Variants in AMACR observed in about 807,000 individuals in gnomAD.
AMACR encodes the protein alpha-methylacyl-CoA racemase.
Under a neutral mutation model 22.2 loss-of-function variants are expected in AMACR, and 18 were observed. The ratio of observed to expected loss-of-function variants is 0.81; its 90% CI spans 0.56 to 1.20. AMACR has a LOEUF of 1.20. Among genes scored for constraint, AMACR ranks in the 50% most tolerant of loss-of-function variants. The pLI is 0.00. For synonymous variants in AMACR, 213 were observed against 191.3 expected, an observed-to-expected ratio of 1.11 and a Z score of -0.94; for missense variants, 499 against 490.6, an observed-to-expected ratio of 1.02 and a Z score of -0.16.
chr5:33,998,955 T>C, intron 3 of AMACR, 128 bp from the exon 4 acceptor site: 7 of 802,708 alleles, frequency 8.7e-6, no homozygotes, highest in Admixed American at 2.3e-5. Context: ...AGATTCTACC[T>C]AATTACACAA....
In AMACR at chr5:33,988,236, G is replaced by T. The variant is rs757002270; in HGVS notation, c.*857C>A. Reference sequence around the variant, plus strand: ...ATCCCGTCTTCTTTGTCAAAGACAGGTATAAGAAAGGCTTGTAACTTAACT... The same window carrying T: ...ATCCCGTCTTCTTTGTCAAAGACAGTTATAAGAAAGGCTTGTAACTTAACT... On this transcript the variant is annotated 3_prime_UTR_variant, in exon 5 of 5. Transcript: ENST00000335606. 2 of 1,318,444 alleles carry T rather than the reference G, an allele frequency of 1.5e-6. No individual in the cohort carries two copies. Among genetic ancestry groups the T allele is most frequent in the Non-Finnish European group, 2.1e-6 (2 of 956,194 alleles). 81.7% of individuals were successfully genotyped at this position (1,318,444 alleles called of 1,614,324 possible). A position where few individuals can be genotyped will look rare whatever the true frequency, so the allele number is the denominator to read the frequency against.
chr5:33,996,587 A>G (rs1229176240), intron 4 of AMACR, among the ~76,000 whole-genome samples: 4 of 152,140 alleles, frequency 2.6e-5, no homozygotes, highest in Non-Finnish European at 5.9e-5. Flanking sequence ...GGAGTTCAAG[A>G]TCAGCCTCAG....
At chr5:34,007,656 G>C (rs1479836475) in intron 1 of AMACR, 117 bp downstream of exon 1, 5 of 1,389,604 alleles carry the variant, frequency 3.6e-6, no homozygotes, top group Middle Eastern at 2.6e-4. Context: ...GGCTGGGGCC[G>C]ACAAGGGTTC....
chr5:34,002,666 G>A (rs1185333206), intron 3 of AMACR, among the ~76,000 whole-genome samples: 5 of 152,166 alleles, frequency 3.3e-5, no homozygotes, highest in Non-Finnish European at 5.9e-5. Flanking sequence ...ATAGTAGCAC[G>A]TCTCCCTCAG....
chr5:33,992,126 G>A (rs1433824972), intron 4 of AMACR, among the ~76,000 whole-genome samples: 9 of 151,896 alleles, frequency 5.9e-5, no homozygotes, highest in Admixed American at 6.6e-5. Flanking sequence ...TGATCCGCCC[G>A]CCTCGGCCTC....
At chr5:34,005,325 T>C (rs774805574) in intron 2 of AMACR, among the ~76,000 whole-genome samples, 4 of 152,144 alleles carry the variant, frequency 2.6e-5, no homozygotes, top group African/African-American at 4.8e-5. Context: ...TTAGTGCTCA[T>C]AGAAGTCTGA....
intron 4 of AMACR, 121 bp from the exon 5 acceptor site, chr5:33,989,623 A>C: frequency 1.2e-6 from 1 of 827,558 alleles, no homozygotes; most frequent in South Asian, 1.7e-5. Flanking sequence ...GGCTTCTCAA[A>C]TGAGTCAAGA....
chr5:33,992,161 G>A (rs1753500157), intron 4 of AMACR, among the ~76,000 whole-genome samples: 7 of 151,910 alleles, frequency 4.6e-5, no homozygotes, highest in Admixed American at 4.6e-4. Flanking sequence ...TTACAGGTGT[G>A]AGCCACCACA....
Position 33,998,595 on chromosome 5 carries a change from T to C in AMACR, c.739+46A>G, listed in dbSNP as rs778441339. ...GTCTTTAAAATAGAACCAAAGAACA[T>C]CCACAGCAAAAGGGGAACTGGGGGA... On this transcript the variant is annotated intron_variant, in intron 4 of 4. Transcript: ENST00000335606. 4 of 1,546,292 alleles carry C rather than the reference T, an allele frequency of 2.6e-6. No individual in the cohort carries two copies. In the African/African-American group the frequency reaches 5.6e-5, roughly 21 times the overall value.
chr5:34,004,209 G>A (rs1753900421), intron 3 of AMACR, among the ~76,000 whole-genome samples: 1 of 152,068 alleles, frequency 6.6e-6, no homozygotes, highest in Non-Finnish European at 1.5e-5. Flanking sequence ...TTTGAATGAC[G>A]ACTGCTTGAA....
chr5:33,988,212 T>A lies in AMACR; in HGVS notation c.*881A>T. 1 of 1,137,744 alleles carries A rather than the reference T, an allele frequency of 8.8e-7. No individual in the cohort carries two copies. Among genetic ancestry groups the A allele is most frequent in the Non-Finnish European group, 1.2e-6 (1 of 806,160 alleles). The allele number at this position is 1,137,744 out of a possible 1,614,324, so 70.5% of individuals were successfully genotyped here. A position where few individuals can be genotyped will look rare whatever the true frequency, so the allele number is the denominator to read the frequency against. ...GCAGGCTGGTTTTATGTAAAGACAA[T>A]CCCGTCTTCTTTGTCAAAGACAGGT... is the stretch of plus-strand genomic sequence containing the variant. On this transcript the variant is annotated 3_prime_UTR_variant, in exon 5 of 5. Coordinates refer to ENST00000335606, the MANE Select transcript of AMACR (RefSeq NM_014324.6).
chr5:33,996,738 C>G (rs1459102974), intron 4 of AMACR, among the ~76,000 whole-genome samples: 1 of 152,018 alleles, frequency 6.6e-6, no homozygotes, highest in Non-Finnish European at 1.5e-5. Context: ...CACCACTGCA[C>G]TCCAGCCTTG....
Position 33,988,327 on chromosome 5 carries a change from T to C in AMACR, c.*766A>G, listed in dbSNP as rs1753359840. 1.9e-6 allele frequency: 3 copies of C among 1,541,978 alleles called. No individual in the cohort carries two copies. Among genetic ancestry groups the C allele is most frequent in the African/African-American group, 2.7e-5 (2 of 73,442 alleles). On this transcript the variant is annotated 3_prime_UTR_variant, in exon 5 of 5. Coordinates refer to ENST00000335606, the MANE Select transcript of AMACR (RefSeq NM_014324.6). ...AGATCTTTATTTCTGGATGTTGCTGTGTGTTGGGTATAAGATCCAGAACTT... is the reference window on the plus strand; with the variant it reads ...AGATCTTTATTTCTGGATGTTGCTGCGTGTTGGGTATAAGATCCAGAACTT...
At chr5:33,999,333 C>T (rs77811471) in intron 3 of AMACR, among the ~76,000 whole-genome samples, 34 of 152,110 alleles carry the variant, frequency 2.2e-4, no homozygotes, top group African/African-American at 6.8e-4. Flanking sequence ...GATTCCAATC[C>T]CAAGAAAACT....
In AMACR at chr5:33,989,246, T is replaced by G; in HGVS notation, c.996A>C (p.Leu332Phe). 1 of 1,614,110 alleles carries G rather than the reference T, an allele frequency of 6.2e-7. No individual in the cohort carries two copies. The highest frequency in any genetic ancestry group is 1.1e-5 in the South Asian group (1 of 91,080). ...DVSPRPAPLL[L>F]NTPAIPSFKR... The stretch of plus-strand genomic sequence containing the variant: ...TGAAAGAAGGGATGGCTGGGGTGTT[T>G]AACAGCAGAGGTGCAGGGCGGGGGC... Residue 332 changes from leucine (L) to phenylalanine (F), a missense_variant, in exon 5 of 5, where the codon TTA becomes TTC. Leu to Phe is a conservative substitution (Grantham distance 22, BLOSUM62 0). Transcript: ENST00000335606.
Position 34,005,902 on chromosome 5 carries a change from T to C in AMACR, c.248-3A>G, listed in dbSNP as rs768179459. On this transcript the variant is annotated splice_region_variant and splice_polypyrimidine_tract_variant and intron_variant, in intron 1 of 4. Transcript: ENST00000335606. ...CAGCTGGAGTTTCTCCATGACACCT[T>C]AAGAGAAAAGTAACGATCTTCTTAA... The C allele has an allele frequency of 6.2e-7, 1 of 1,614,130 alleles. No homozygotes were observed. The highest frequency in any genetic ancestry group is 8.5e-7 in the Non-Finnish European group (1 of 1,180,002).
intron 2 of AMACR, among the ~76,000 whole-genome samples, 190 bp from the exon 3 acceptor site, chr5:34,004,924 C>T (rs546973757): frequency 2.0e-5 from 3 of 152,276 alleles, no homozygotes; most frequent in Admixed American, 6.5e-5. Flanking sequence ...AGACAGGATC[C>T]TTGTTTTGTT....
At position 34,007,785 on chromosome 5, in the gene AMACR, G is replaced by T; in HGVS notation, c.235C>A (p.Pro79Thr). ...LCKRSDVLLEPFRRGVMEKLQ... is the reference protein window; with the variant it reads ...LCKRSDVLLETFRRGVMEKLQ... ...GGCCCGGGCTCACCGCGGCGGAAGG[G>T]CTCCAGCAGCACATCCGACCGCTTG... is the stretch of plus-strand genomic sequence containing the variant. The change falls in exon 1 of 5, where the codon CCC becomes ACC. Residue 79 changes from proline (P) to threonine (T), a missense_variant. Transcript: ENST00000335606. The T allele has an allele frequency of 2.6e-6, 4 of 1,563,228 alleles. No homozygotes were observed. The highest frequency in any genetic ancestry group is 2.6e-6 in the Non-Finnish European group (3 of 1,160,270).
At chr5:34,004,815 T>C in intron 2 of AMACR, 81 bp from the exon 3 acceptor site, 1 of 1,469,940 alleles carries the variant, frequency 6.8e-7, no homozygotes, top group East Asian at 2.5e-5. Context: ...CTTAGAGGAA[T>C]AATCAATCTC....
Sources: gnomAD v4.1 joint callset for allele counts (sites outside exome capture counted in the v4.1 genomes callset) on GRCh38, gnomAD v4.1.1 for gene constraint, MANE v1.5 for transcripts, NCBI Gene and HGNC (gene_info 2026-07-23, HGNC 2026-07-21) for gene names.